FAM171A1: variants seen among roughly 807,000 people sequenced by gnomAD.
The protein encoded by FAM171A1 is protein FAM171A1.
FAM171A1 carries 23 observed loss-of-function variants against 74.9 expected under a neutral mutation model. That is an observed-to-expected ratio of 0.31 (90% confidence interval 0.22 to 0.44). The LOEUF (loss-of-function observed/expected upper bound fraction) is 0.44. Among genes scored for constraint, FAM171A1 ranks in the 20% least tolerant of loss-of-function variants. FAM171A1 has a pLI of 1.00. For synonymous variants in FAM171A1, 527 were observed against 505.7 expected, an observed-to-expected ratio of 1.04 and a Z score of -0.57; for missense variants, 1,162 against 1,159.2, an observed-to-expected ratio of 1.00 and a Z score of -0.03.
chr10:15,357,303 TAAAC>T (rs987950319), intron 1 of FAM171A1, among the ~76,000 whole-genome samples: 4 of 151,788 alleles, frequency 2.6e-5, no homozygotes, highest in Admixed American at 1.3e-4. Flanking sequence ...AATAAATAAA[TAAAC>T]AAACCAAAAA....
rs58606440 is a variant in FAM171A1 at position 15,327,430 on chromosome 10, G to A, written c.98-43325C>T. ...TTTGGGAGGCCAAGGCAGGCAGATC[G>A]CTTGAGCCCAGTAGTTCAAGACCAG... On this transcript the variant is annotated intron_variant, in intron 1 of 7. Coordinates refer to ENST00000378116, the MANE Select transcript of FAM171A1 (RefSeq NM_001010924.2). Among the ~76,000 whole-genome samples the A allele has an allele frequency of 7.3e-3, 1,113 of 152,212 alleles. 13 individuals are homozygous for A. Among genetic ancestry groups the A allele is most frequent in the African/African-American group, 0.025 (1,055 of 41,548 alleles).
At chr10:15,272,650 C>A (rs1834841637) in intron 3 of FAM171A1, among the ~76,000 whole-genome samples, 1 of 152,170 alleles carries the variant, frequency 6.6e-6, no homozygotes, top group South Asian at 2.1e-4. Flanking sequence ...GAGTAAAACA[C>A]TCCTCAGCAA....
At chr10:15,320,194 G>T (rs146627848) in intron 1 of FAM171A1, among the ~76,000 whole-genome samples, 64 of 152,204 alleles carry the variant, frequency 4.2e-4, no homozygotes, top group African/African-American at 1.5e-3. Context: ...TCAGTGTTTA[G>T]CTCCCACTTA....
intron 5 of FAM171A1, among the ~76,000 whole-genome samples, chr10:15,227,782 A>C (rs1460543193): frequency 6.6e-6 from 1 of 152,228 alleles, no homozygotes; most frequent in African/African-American, 2.4e-5. Context: ...TTTTTTGAAA[A>C]TGAGTAATGC....
At chr10:15,240,727 T>C in intron 5 of FAM171A1, 1 of 985,328 alleles carries the variant, frequency 1.0e-6, no homozygotes, top group Non-Finnish European at 1.2e-6. Flanking sequence ...AACATGGATA[T>C]ACTGAGTTAG....
At chr10:15,345,290 T>A (rs1174370073) in intron 1 of FAM171A1, among the ~76,000 whole-genome samples, 1 of 152,162 alleles carries the variant, frequency 6.6e-6, no homozygotes, top group Non-Finnish European at 1.5e-5. Flanking sequence ...GCACCAGCAA[T>A]TGCAATCTGG....
At chr10:15,297,124 C>T (rs553315031) in intron 1 of FAM171A1, among the ~76,000 whole-genome samples, 1 of 151,932 alleles carries the variant, frequency 6.6e-6, no homozygotes, top group South Asian at 2.1e-4. Context: ...GAGACACGAC[C>T]TTGGCTCACT....
chr10:15,246,482 A>G (rs1232597289), intron 5 of FAM171A1, among the ~76,000 whole-genome samples: 5 of 152,204 alleles, frequency 3.3e-5, no homozygotes, highest in Non-Finnish European at 5.9e-5. Context: ...ATCTTCATGC[A>G]TGGTCTAACA....
chr10:15,237,856 T>C (rs574699125), intron 5 of FAM171A1, among the ~76,000 whole-genome samples: 58 of 152,216 alleles, frequency 3.8e-4, no homozygotes, highest in African/African-American at 1.2e-3. Flanking sequence ...GTACAGACAC[T>C]TTTCCTGAGA....
intron 1 of FAM171A1, among the ~76,000 whole-genome samples, chr10:15,298,951 C>T (rs1835194004): frequency 6.6e-6 from 1 of 152,130 alleles, no homozygotes; most frequent in Non-Finnish European, 1.5e-5. Flanking sequence ...GACAGAGTCT[C>T]ACTCTGTTAC....
intron 1 of FAM171A1, among the ~76,000 whole-genome samples, chr10:15,284,574 C>T (rs529170489): frequency 3.7e-4 from 57 of 152,224 alleles, no homozygotes; most frequent in African/African-American, 1.3e-3. Flanking sequence ...AGGTGTGTGC[C>T]ACCACACTGA....
chr10:15,233,021 G>A (rs974742913), intron 5 of FAM171A1, among the ~76,000 whole-genome samples: 4 of 152,212 alleles, frequency 2.6e-5, no homozygotes, highest in Non-Finnish European at 5.9e-5. Context: ...CAGGCCAGGG[G>A]CAGTGGCTCA....
At chr10:15,307,571 G>A (rs527379753) in intron 1 of FAM171A1, among the ~76,000 whole-genome samples, 1 of 150,238 alleles carries the variant, frequency 6.7e-6, no homozygotes, top group South Asian at 2.1e-4. Flanking sequence ...GCTTGTATTC[G>A]GGAGGCAGAG....
At position 15,254,780 on chromosome 10, in the gene FAM171A1, C is replaced by T; in HGVS notation, c.518G>A (p.Ser173Asn). Reference sequence around the variant, plus strand: ...AAAACTGTCCACCTCCGAAGGGGAGCTGGCGGCCGTGAGAAACGCGGTCAG... The same window carrying T: ...AAAACTGTCCACCTCCGAAGGGGAGTTGGCGGCCGTGAGAAACGCGGTCAG... ...SDLTAFLTAASSPSEVDSFPY... is the reference protein window; with the variant it reads ...SDLTAFLTAANSPSEVDSFPY... The change falls in exon 4 of 8, where the codon AGC becomes AAC. Residue 173 changes from serine (S) to asparagine (N), a missense_variant. Ser to Asn is a conservative substitution (Grantham distance 46). Transcript: ENST00000378116. 1 of 1,614,200 alleles carries T rather than the reference C, an allele frequency of 6.2e-7. No homozygotes were observed. The highest frequency in any genetic ancestry group is 8.5e-7 in the Non-Finnish European group (1 of 1,180,030).
At chr10:15,258,046 T>C (rs1834603551) in intron 3 of FAM171A1, among the ~76,000 whole-genome samples, 1 of 152,078 alleles carries the variant, frequency 6.6e-6, no homozygotes, top group Non-Finnish European at 1.5e-5. Flanking sequence ...GCTGCATTTC[T>C]TTCTTTTCTC....
intron 1 of FAM171A1, among the ~76,000 whole-genome samples, chr10:15,286,261 C>G (rs1292279077): frequency 6.6e-6 from 1 of 152,158 alleles, no homozygotes; most frequent in Non-Finnish European, 1.5e-5. Flanking sequence ...AGACAACCCT[C>G]TCAGAGAGTA....
intron 1 of FAM171A1, among the ~76,000 whole-genome samples, chr10:15,328,469 C>G (rs1408901997): frequency 6.6e-6 from 1 of 152,174 alleles, no homozygotes; most frequent in Non-Finnish European, 1.5e-5. Flanking sequence ...AAATCAGGAA[C>G]TGAGCTATTT....
In FAM171A1 at chr10:15,212,727, A is replaced by G; in HGVS notation, c.*188T>C. 1.2e-6 allele frequency: 1 copy of G among 847,066 alleles called. No homozygotes were observed. The highest frequency in any genetic ancestry group is 1.8e-6 in the Non-Finnish European group (1 of 564,448). The allele number at this position is 847,066 out of a possible 1,614,324, so 52.5% of individuals were successfully genotyped here. ...TGCAGGGGCGACATCCGCCAAAGTC[A>G]TCCTTTATTCCGAGTAATAACTTTA... is the stretch of plus-strand genomic sequence containing the variant. On this transcript the variant is annotated 3_prime_UTR_variant, in exon 8 of 8. Transcript: ENST00000378116.
At chr10:15,235,048 G>A (rs547051639) in intron 5 of FAM171A1, among the ~76,000 whole-genome samples, 5 of 152,158 alleles carry the variant, frequency 3.3e-5, no homozygotes, top group Admixed American at 1.3e-4. Context: ...GGTGTCTCAC[G>A]CCTGTAATCT....
Sources: gnomAD v4.1 joint callset for allele counts (sites outside exome capture counted in the v4.1 genomes callset) on GRCh38, gnomAD v4.1.1 for gene constraint, MANE v1.5 for transcripts, NCBI Gene and HGNC (gene_info 2026-07-23, HGNC 2026-07-21) for gene names.